Variants in GLI3 observed in about 807,000 individuals in gnomAD.
GLI3 encodes transcription activator GLI3.
GLI3 carries 20 observed loss-of-function variants against 100.8 expected under a neutral mutation model. That is an observed-to-expected ratio of 0.20 (90% CI 0.14 to 0.29). GLI3 has a LOEUF of 0.29. Among genes scored for constraint, GLI3 ranks in the 10% least tolerant of loss-of-function variants. The probability of loss-of-function intolerance (pLI) is 1.00; values close to 1 mark genes in which losing one functional copy is unlikely to be tolerated. For synonymous variants in GLI3, 938 were observed against 860.5 expected, an observed-to-expected ratio of 1.09 and a Z score of -1.58; for missense variants, 2,040 against 2,128.5, an observed-to-expected ratio of 0.96 and a Z score of 0.82.
intron 9 of GLI3, among the ~76,000 whole-genome samples, chr7:42,024,106 T>C (rs1361315023): frequency 6.6e-6 from 1 of 152,224 alleles, no homozygotes; most frequent in Non-Finnish European, 1.5e-5. Context: ...TCTAATGCTG[T>C]TTTCGCTGCT....
chr7:41,967,921 T>C lies in GLI3; in HGVS notation c.2106A>G (p.Thr702=), dbSNP rs776752362. ...VKTVKAEKPM[T]SQPSPGGQSS... ...ACTGACCACCAGGGCTTGGCTGAGA[T>C]GTCTGTTGGGGTCAAGTGGAAAGGA... Residue 702 remains threonine (T), a splice_region_variant and synonymous_variant, in exon 14 of 15, where the codon ACA becomes ACG. Transcript: ENST00000395925. The C allele has an allele frequency of 6.2e-7, 1 of 1,613,842 alleles. No individual in the cohort carries two copies. Among genetic ancestry groups the C allele is most frequent in the Non-Finnish European group, 8.5e-7 (1 of 1,179,772 alleles).
intron 2 of GLI3, among the ~76,000 whole-genome samples, chr7:42,201,854 C>T (rs544024669): frequency 2.6e-5 from 4 of 152,176 alleles, no homozygotes; most frequent in East Asian, 1.9e-4. Context: ...GAAGCCGAGG[C>T]GGGCAGATCA....
At chr7:42,149,667 A>T (rs941312999) in intron 2 of GLI3, among the ~76,000 whole-genome samples, 4 of 151,562 alleles carry the variant, frequency 2.6e-5, no homozygotes, top group African/African-American at 7.3e-5. Context: ...TTCCTATCTT[A>T]AAAAAAAACT....
At chr7:42,148,546 A>G in intron 2 of GLI3, 78 bp from the exon 3 acceptor site, 2 of 1,282,578 alleles carry the variant, frequency 1.6e-6, no homozygotes, top group Non-Finnish European at 2.3e-6. Flanking sequence ...ATTAGGTCTC[A>G]TTCTCGATAT....
At chr7:42,156,324 T>G (rs977487162) in intron 2 of GLI3, among the ~76,000 whole-genome samples, 2 of 152,196 alleles carry the variant, frequency 1.3e-5, no homozygotes, top group Non-Finnish European at 2.9e-5. Context: ...CAGTCGCTGC[T>G]TACACAGAGT....
At chr7:42,001,193 C>T (rs928837546) in intron 10 of GLI3, among the ~76,000 whole-genome samples, 2 of 129,852 alleles carry the variant, frequency 1.5e-5, no homozygotes, top group East Asian at 2.3e-4. Context: ...TGCAGTGAGC[C>T]GAGATCACAC....
intron 3 of GLI3, among the ~76,000 whole-genome samples, chr7:42,080,823 C>T (rs780022831): frequency 1.4e-4 from 22 of 152,134 alleles, no homozygotes; most frequent in Non-Finnish European, 2.4e-4. Context: ...CATATTCCAT[C>T]ATCGGCCCAA....
chr7:42,081,290 T>C (rs773684320), intron 3 of GLI3, among the ~76,000 whole-genome samples: 10 of 152,170 alleles, frequency 6.6e-5, no homozygotes, highest in Admixed American at 3.9e-4. Context: ...CAGTCAACTG[T>C]ACATGCTTAT....
At chr7:41,971,702 C>T (rs1455471278) in intron 13 of GLI3, among the ~76,000 whole-genome samples, 1 of 152,058 alleles carries the variant, frequency 6.6e-6, no homozygotes, top group Non-Finnish European at 1.5e-5. Flanking sequence ...CCTCAAAAAA[C>T]AAGAACAAAA....
At chr7:42,212,111 C>CT (rs1788284550) in intron 2 of GLI3, among the ~76,000 whole-genome samples, 1 of 152,178 alleles carries the variant, frequency 6.6e-6, no homozygotes, top group African/African-American at 2.4e-5. Context: ...CTCCCTCTTG[C>CT]TTTTTATTTT....
At chr7:42,134,318 G>A (rs1385442410) in intron 3 of GLI3, among the ~76,000 whole-genome samples, 3 of 152,112 alleles carry the variant, frequency 2.0e-5, no homozygotes, top group South Asian at 2.1e-4. Context: ...AGAAGGACTC[G>A]TGTATGAGAA....
At chr7:42,040,309 GC>G (rs1562698696) in intron 6 of GLI3, 70 bp from the exon 7 acceptor site, 1 of 1,153,304 alleles carries the variant, frequency 8.7e-7, no homozygotes, top group African/African-American at 1.5e-5. Flanking sequence ...ATTGCTACTT[GC>G]CTACGTGGAA....
intron 3 of GLI3, among the ~76,000 whole-genome samples, chr7:42,094,310 C>T (rs1785291324): frequency 6.6e-6 from 1 of 152,174 alleles, no homozygotes; most frequent in Non-Finnish European, 1.5e-5. Context: ...CAAGTCAAAA[C>T]CAATTCACTA....
At chr7:42,132,630 G>A (rs1233301351) in intron 3 of GLI3, among the ~76,000 whole-genome samples, 1 of 152,056 alleles carries the variant, frequency 6.6e-6, no homozygotes, top group East Asian at 1.9e-4. Flanking sequence ...CTTCTACCTG[G>A]CTTGGCATCC....
At chr7:42,217,428 A>C (rs893694555) in intron 2 of GLI3, among the ~76,000 whole-genome samples, 1 of 152,208 alleles carries the variant, frequency 6.6e-6, no homozygotes, top group Non-Finnish European at 1.5e-5. Flanking sequence ...TTGGTTTAGA[A>C]ACATAAAAAC....
chr7:42,192,039 GA>G (rs542281019), intron 2 of GLI3, among the ~76,000 whole-genome samples: 18 of 149,336 alleles, frequency 1.2e-4, no homozygotes, highest in African/African-American at 2.5e-4. Context: ...TACAATCACA[GA>G]AAAAAAAAAT....
chr7:41,991,033 G>A (rs1046253408), intron 10 of GLI3, among the ~76,000 whole-genome samples: 6 of 152,102 alleles, frequency 3.9e-5, no homozygotes, highest in Non-Finnish European at 7.4e-5. Flanking sequence ...CTGAGCTGAC[G>A]CATTCATTCA....
intron 2 of GLI3, among the ~76,000 whole-genome samples, chr7:42,211,037 T>G (rs370403119): frequency 1.3e-5 from 2 of 152,378 alleles, no homozygotes; most frequent in Middle Eastern, 3.4e-3. Flanking sequence ...GAGAGATTTA[T>G]AAGTATCTTT....
intron 4 of GLI3, among the ~76,000 whole-genome samples, chr7:42,068,667 C>G (rs1218784999): frequency 6.6e-6 from 1 of 152,172 alleles, no homozygotes; most frequent in Non-Finnish European, 1.5e-5. Context: ...ACAGGCAGCC[C>G]TGTGTCATTG....
Sources: allele counts gnomAD v4.1 joint callset (sites outside exome capture counted in the v4.1 genomes callset), GRCh38; gene constraint gnomAD v4.1.1; transcripts MANE v1.5; gene names NCBI Gene and HGNC (gene_info 2026-07-23, HGNC 2026-07-21).